DRC12: variants seen among roughly 807,000 people sequenced by gnomAD.
DRC12 encodes the protein dynein regulatory complex subunit 12 homolog.
At chr11:119,194,542 A>AAAAAT in the DRC12 span, among the ~76,000 whole-genome samples, 2 of 48,214 alleles carry the variant, frequency 4.1e-5, no homozygotes, top group African/African-American at 1.7e-4. Flanking sequence ...AAAAAAAAAA[A>AAAAAT]AAATAAATAA....
the DRC12 span, chr11:119,193,904 C>G: frequency 8.2e-5 from 127 of 1,550,142 alleles, no homozygotes; most frequent in Admixed American, 1.6e-4. Flanking sequence ...AGTCCCAGAG[C>G]CGCCGTCAGG....
the DRC12 span, chr11:119,193,695 A>T: frequency 6.5e-7 from 1 of 1,534,010 alleles, no homozygotes; most frequent in Non-Finnish European, 8.8e-7. Flanking sequence ...CCTTCCTTGC[A>T]TCAACTGACC....
the DRC12 span, among the ~76,000 whole-genome samples, chr11:119,194,541 A>AAAAAG: frequency 6.4e-4 from 42 of 66,030 alleles, 9 homozygotes; most frequent in East Asian, 4.3e-3. Context: ...AAAAAAAAAA[A>AAAAAG]AAAATAAATA....
At chr11:119,192,484 G>T in the DRC12 span, among the ~76,000 whole-genome samples, 1 of 152,298 alleles carries the variant, frequency 6.6e-6, no homozygotes, top group South Asian at 2.1e-4. Flanking sequence ...AGGTCTTGAA[G>T]ATACAGAAGT....
At chr11:119,194,722 CAAAA>C in the DRC12 span, among the ~76,000 whole-genome samples, 3 of 149,342 alleles carry the variant, frequency 2.0e-5, no homozygotes, top group South Asian at 6.4e-4. Context: ...CCAAAAAAAA[CAAAA>C]AACAAACAAA....
the DRC12 span, chr11:119,190,668 C>G: frequency 6.3e-7 from 1 of 1,598,802 alleles, no homozygotes; most frequent in Non-Finnish European, 8.5e-7. This position sits in a 1 kb window ranked among gnomAD's most constrained non-coding sequence, Gnocchi z 4.2. Context: ...ATGGGGGAGT[C>G]CTGGGTACTG....
chr11:119,194,808 G>T, the DRC12 span: 1 of 669,058 alleles, frequency 1.5e-6, no homozygotes. Flanking sequence ...CTAGGGGATG[G>T]TTAGGGTCAA....
the DRC12 span, chr11:119,193,479 C>A: frequency 8.6e-7 from 1 of 1,163,958 alleles, no homozygotes; most frequent in Non-Finnish European, 1.2e-6. Flanking sequence ...TAGCCCTTCT[C>A]CCCGCCCATG....
chr11:119,191,344 CGCCTCG>C, the DRC12 span, among the ~76,000 whole-genome samples: 1 of 151,546 alleles, frequency 6.6e-6, no homozygotes, highest in Non-Finnish European at 1.5e-5. Flanking sequence ...GTGATCCGCC[CGCCTCG>C]GCCTCCCAAA....
the DRC12 span, chr11:119,194,021 G>A: frequency 1.2e-6 from 1 of 866,626 alleles, no homozygotes; most frequent in Non-Finnish European, 1.7e-6. Flanking sequence ...TCTGGGTTTT[G>A]TTGTTTTTGT....
the DRC12 span, chr11:119,195,583 G>A: frequency 1.0e-6 from 1 of 1,000,408 alleles, no homozygotes; most frequent in South Asian, 1.4e-5. Context: ...AGACTCTCCT[G>A]AGTCCAAATT....
At chr11:119,194,734 A>T in the DRC12 span, among the ~76,000 whole-genome samples, 1 of 136,682 alleles carries the variant, frequency 7.3e-6, no homozygotes, top group Non-Finnish European at 1.5e-5. Flanking sequence ...AAAAACAAAC[A>T]AACAAAAAAA....
the DRC12 span, chr11:119,195,585 G>C: frequency 1.1e-6 from 1 of 919,272 alleles, no homozygotes. Context: ...ACTCTCCTGA[G>C]TCCAAATTTG....
chr11:119,195,000 G>T, the DRC12 span: 1 of 1,549,660 alleles, frequency 6.5e-7, no homozygotes, highest in Non-Finnish European at 8.7e-7. Flanking sequence ...TGCACCTGCG[G>T]TGGCAAGTGG....
chr11:119,194,454 C>T, the DRC12 span, among the ~76,000 whole-genome samples: 1 of 126,158 alleles, frequency 7.9e-6, no homozygotes, highest in Admixed American at 1.0e-4. Flanking sequence ...GCAGAGGTTG[C>T]AGTGAGCCGA....
the DRC12 span, chr11:119,195,477 T>C: frequency 6.4e-7 from 1 of 1,551,500 alleles, no homozygotes; most frequent in Admixed American, 2.0e-5. Flanking sequence ...TTCTTTGTTT[T>C]TAGGTGGCAT....
At chr11:119,192,830 A>G in the DRC12 span, among the ~76,000 whole-genome samples, 8 of 152,268 alleles carry the variant, frequency 5.3e-5, no homozygotes, top group African/African-American at 1.9e-4. Flanking sequence ...TATTTTTAGT[A>G]GAGACGGGGT....
chr11:119,195,478 T>C, the DRC12 span: 2 of 1,551,488 alleles, frequency 1.3e-6, no homozygotes, highest in Middle Eastern at 1.7e-4. Context: ...TCTTTGTTTT[T>C]AGGTGGCATC....
the DRC12 span, chr11:119,193,116 T>C: frequency 6.3e-7 from 1 of 1,575,208 alleles, no homozygotes. Flanking sequence ...CTGCAACTCT[T>C]GGAGAGAAGG....
Sources: allele counts gnomAD v4.1 joint callset (sites outside exome capture counted in the v4.1 genomes callset), GRCh38; gene constraint gnomAD v4.1.1; non-coding constraint Gnocchi (gnomAD v3.1); transcripts MANE v1.5; gene names NCBI Gene and HGNC (gene_info 2026-07-23, HGNC 2026-07-21).